Variants in SLC4A4 observed in about 807,000 individuals in gnomAD.
The protein encoded by SLC4A4 is solute carrier family 4 member 4.
SLC4A4 carries 27 observed loss-of-function variants against 111.5 expected under a neutral mutation model. That is an observed-to-expected ratio of 0.24 (90% CI 0.18 to 0.33). The LOEUF (loss-of-function observed/expected upper bound fraction) is 0.33, where lower values mean the gene tolerates loss of function less well. Ranked by LOEUF, SLC4A4 falls within the 10% of genes least tolerant of loss-of-function variation. The pLI, the probability that SLC4A4 is intolerant of heterozygous loss-of-function variation, is 1.00. For missense variants in SLC4A4, 909 were observed against 1,315.5 expected, an observed-to-expected ratio of 0.69 and a Z score of 4.78; for synonymous variants, 443 against 463.4, an observed-to-expected ratio of 0.96 and a Z score of 0.57.
At chr4:71,124,232 G>C (rs562284916) in intron 2 of SLC4A4, among the ~76,000 whole-genome samples, 1 of 149,202 alleles carries the variant, frequency 6.7e-6, no homozygotes, top group Non-Finnish European at 1.5e-5. Context: ...GAGTGCAGTG[G>C]TGCGATCTCA....
chr4:71,266,404 G>T (rs1186501414), intron 3 of SLC4A4, among the ~76,000 whole-genome samples: 1 of 152,140 alleles, frequency 6.6e-6, no homozygotes, highest in Non-Finnish European at 1.5e-5. Flanking sequence ...TGTGCCAAAT[G>T]CCAGCACATT....
At position 71,148,410 on chromosome 4, in the gene SLC4A4, C is replaced by G. The variant is rs550378675; in HGVS notation, c.-2+55618C>G. ...AATTTTCTTTCTTTTTTTAATTTAA[C>G]TTTTAAGTTGGGGTACATGTGCAAG... On this transcript the variant is annotated intron_variant, in intron 2 of 26. Coordinates refer to the SLC4A4 transcript ENST00000649996. Among the ~76,000 whole-genome samples the G allele has an allele frequency of 1.3e-3, 199 of 152,158 alleles. 1 individual carries two copies. The highest frequency in any genetic ancestry group is 4.7e-3 in the African/African-American group (194 of 41,544).
chr4:71,241,706 G>C (rs996633930), intron 2 of SLC4A4, among the ~76,000 whole-genome samples: 1 of 152,204 alleles, frequency 6.6e-6, no homozygotes, highest in African/African-American at 2.4e-5. Flanking sequence ...CAGAAAAACA[G>C]TGTGTACAGA....
At chr4:71,099,414 C>T (rs975031223) in intron 2 of SLC4A4, among the ~76,000 whole-genome samples, 1 of 152,058 alleles carries the variant, frequency 6.6e-6, no homozygotes, top group Non-Finnish European at 1.5e-5. Flanking sequence ...AACAAATATA[C>T]CAGAATCTCT....
intron 6 of SLC4A4, among the ~76,000 whole-genome samples, chr4:71,359,262 G>A (rs891820073): frequency 6.6e-6 from 1 of 152,222 alleles, no homozygotes; most frequent in African/African-American, 2.4e-5. Context: ...CTTTTCACTT[G>A]TGAAATGTTA....
At chr4:71,284,345 C>G (rs907226430) in intron 3 of SLC4A4, among the ~76,000 whole-genome samples, 2 of 152,216 alleles carry the variant, frequency 1.3e-5, no homozygotes, top group Non-Finnish European at 2.9e-5. Flanking sequence ...ATAATTCACA[C>G]TCCCAGGGCC....
At chr4:71,318,719 T>A (rs762241753) in intron 3 of SLC4A4, among the ~76,000 whole-genome samples, 3 of 151,968 alleles carry the variant, frequency 2.0e-5, no homozygotes, top group Admixed American at 1.3e-4. Context: ...TCTTTGAGTA[T>A]ACAAGACAGA....
chr4:71,103,569 A>C (rs1262834439), intron 2 of SLC4A4, among the ~76,000 whole-genome samples: 1 of 152,184 alleles, frequency 6.6e-6, no homozygotes, highest in African/African-American at 2.4e-5. Flanking sequence ...GTAACAAACT[A>C]TCTCTCAGAC....
rs762844653 is a variant in SLC4A4 at position 71,397,585 on chromosome 4, G to A, written c.739G>A (p.Ala247Thr). The A allele has an allele frequency of 6.2e-7, 1 of 1,613,926 alleles. No homozygotes were observed. The highest frequency in any genetic ancestry group is 1.1e-5 in the South Asian group (1 of 91,078). ...TACTTGTGTTTTTCCAGGTAGCCCA[G>A]CCATGACCCATAGGAATCTGACTTC... ...MFTNPDNGSP[A>T]MTHRNLTSSS... Residue 247 changes from alanine (A) to threonine (T), a missense_variant, in exon 7 of 26, where the codon GCC becomes ACC. Around this residue, in one of 7 missense-constraint regions of SLC4A4, gnomAD observed 312 missense variants for 402.0 expected, o/e 0.78. Transcript: ENST00000264485.
intron 18 of SLC4A4, among the ~76,000 whole-genome samples, chr4:71,544,728 G>T (rs1192138467): frequency 2.0e-5 from 3 of 152,124 alleles, no homozygotes; most frequent in South Asian, 2.1e-4. Context: ...ACCCTCCAGT[G>T]GTTTCCCATT....
rs191248131 is a variant in SLC4A4, at chr4:71,436,259, G to A, written c.808-4357G>A. On this transcript the variant is annotated intron_variant, in intron 7 of 25. Coordinates refer to ENST00000264485, the MANE Select transcript of SLC4A4 (RefSeq NM_001098484.3). ...AAGGATGAGTTCATGTCCTTTGTAG[G>A]GACATGGATGAAGCTGGAAACCATC... is the stretch of plus-strand genomic sequence containing the variant. 2.6e-3 allele frequency among the ~76,000 whole-genome samples: 395 copies of A among 152,236 alleles called. 1 individual carries two copies. The highest frequency in any genetic ancestry group is 8.9e-3 in the African/African-American group (368 of 41,546).
At chr4:71,549,196 A>G (rs1022606583) in intron 20 of SLC4A4, among the ~76,000 whole-genome samples, 9 of 151,930 alleles carry the variant, frequency 5.9e-5, no homozygotes, top group African/African-American at 2.2e-4. Flanking sequence ...AAGTTATGGG[A>G]TAAGTGTGAA....
rs537779592 is a variant in SLC4A4 at position 71,293,002 on chromosome 4, C to T, written c.253+37603C>T. On this transcript the variant is annotated intron_variant, in intron 3 of 25. Transcript: ENST00000264485. ...GATTACAGGCACCTGCCACTGCGCC[C>T]GGCTAATTTTTTGTATTTTTAGTAG... is the stretch of plus-strand genomic sequence containing the variant. Among the ~76,000 whole-genome samples, 8 of 150,836 alleles carry T rather than the reference C, an allele frequency of 5.3e-5. No homozygotes were observed. The East Asian group carries it at 6.0e-4, about 11-fold the overall frequency.
chr4:71,062,890 C>T (rs1305369671), intron 1 of SLC4A4, among the ~76,000 whole-genome samples: 3 of 152,066 alleles, frequency 2.0e-5, no homozygotes, highest in Non-Finnish European at 2.9e-5. Flanking sequence ...GGTGAGGAAG[C>T]GATGAACCTT....
At chr4:71,233,936 G>GT (rs886900529) in intron 1 of SLC4A4, among the ~76,000 whole-genome samples, 1 of 152,074 alleles carries the variant, frequency 6.6e-6, no homozygotes, top group African/African-American at 2.4e-5. Flanking sequence ...CCTTACCCTG[G>GT]TTTTGTGGCC....
At chr4:71,392,021 G>A (rs540996125) in intron 6 of SLC4A4, among the ~76,000 whole-genome samples, 83 of 152,202 alleles carry the variant, frequency 5.5e-4, no homozygotes, top group African/African-American at 1.9e-3. Flanking sequence ...CTGACAATAT[G>A]TCTTCTGAAA....
intron 3 of SLC4A4, among the ~76,000 whole-genome samples, chr4:71,308,461 CTG>C (rs770433130): frequency 2.0e-5 from 3 of 152,134 alleles, no homozygotes; most frequent in Non-Finnish European, 4.4e-5. Context: ...GAGCTCCAGT[CTG>C]TAGCTCCCAG....
intron 14 of SLC4A4, 50 bp from the exon 15 acceptor site, chr4:71,486,898 C>A (rs1237571270): frequency 2.6e-6 from 3 of 1,140,500 alleles, no homozygotes; most frequent in Non-Finnish European, 3.8e-6. Context: ...CATTTAAGGT[C>A]TTTTTCTATT....
intron 3 of SLC4A4, chr4:71,300,805 G>A (rs888933572): frequency 2.8e-5 from 11 of 388,454 alleles, no homozygotes; most frequent in African/African-American, 2.3e-4. Flanking sequence ...CAGCAGCAGT[G>A]CAAACCCCTG....
Sources: gnomAD v4.1 joint callset for allele counts (sites outside exome capture counted in the v4.1 genomes callset) on GRCh38, gnomAD v4.1.1 for gene constraint, gnomAD v4.1.1 regional missense constraint, MANE v1.5 for transcripts, NCBI Gene and HGNC (gene_info 2026-07-23, HGNC 2026-07-21) for gene names.